Variants in LRRC4C observed in about 807,000 individuals in gnomAD.
LRRC4C encodes leucine-rich repeat-containing protein 4C.
In LRRC4C, 5 loss-of-function variants were observed where a neutral mutation model predicts 33.6. That is an observed-to-expected ratio of 0.15 (90% CI 0.08 to 0.31). The LOEUF (loss-of-function observed/expected upper bound fraction) is 0.31. Among genes scored for constraint, LRRC4C ranks in the 10% least tolerant of loss-of-function variants. The pLI, the probability that LRRC4C is intolerant of heterozygous loss-of-function variation, is 1.00. For synonymous variants in LRRC4C, 329 were observed against 302.0 expected (o/e 1.09, Z -0.93); for missense variants, 560 against 796.7 (o/e 0.70, Z 3.58).
At chr11:41,139,460 G>A (rs1380649624) in intron 1 of LRRC4C, among the ~76,000 whole-genome samples, 1 of 152,204 alleles carries the variant, frequency 6.6e-6, no homozygotes, top group East Asian at 1.9e-4. Flanking sequence ...GGAGATCTAT[G>A]TATGGCAATA....
At chr11:41,415,971 T>C (rs1954664086) in intron 1 of LRRC4C, among the ~76,000 whole-genome samples, 1 of 152,010 alleles carries the variant, frequency 6.6e-6, no homozygotes, top group African/African-American at 2.4e-5. Flanking sequence ...CTCTGCCAGG[T>C]TTCTCCTCTC....
chr11:40,388,678 T>A (rs561231336), intron 3 of LRRC4C, among the ~76,000 whole-genome samples: 15 of 152,262 alleles, frequency 9.9e-5, no homozygotes, highest in African/African-American at 3.6e-4. Context: ...AACACACTCA[T>A]GGTAATCTGC....
intron 3 of LRRC4C, among the ~76,000 whole-genome samples, chr11:40,320,201 C>A (rs543661407): frequency 6.6e-6 from 1 of 152,052 alleles, no homozygotes; most frequent in African/African-American, 2.4e-5. Context: ...ATAGCTGAAA[C>A]TGACATTAAA....
chr11:40,641,294 C>A, intron 3 of LRRC4C, among the ~76,000 whole-genome samples: 1 of 151,984 alleles, frequency 6.6e-6, no homozygotes. Context: ...ATGAAGTGTA[C>A]AAGAATAAAT....
At chr11:40,505,965 G>A (rs1955015900) in intron 3 of LRRC4C, among the ~76,000 whole-genome samples, 1 of 151,878 alleles carries the variant, frequency 6.6e-6, no homozygotes, top group Admixed American at 6.6e-5. Context: ...CATTTATTCT[G>A]TCTTGAAGTT....
chr11:40,860,974 T>C (rs1954068043), intron 2 of LRRC4C, among the ~76,000 whole-genome samples: 1 of 152,078 alleles, frequency 6.6e-6, no homozygotes, highest in Non-Finnish European at 1.5e-5. Flanking sequence ...TTTAAAATGG[T>C]AATTTCATGT....
chr11:41,282,771 G>A (rs976731650), intron 1 of LRRC4C, among the ~76,000 whole-genome samples: 7 of 152,244 alleles, frequency 4.6e-5, no homozygotes, highest in Non-Finnish European at 8.8e-5. Context: ...CTGCAGATGT[G>A]GGCATCTGAA....
At chr11:41,023,207 T>C (rs563747140) in intron 1 of LRRC4C, among the ~76,000 whole-genome samples, 53 of 151,946 alleles carry the variant, frequency 3.5e-4, no homozygotes, top group Middle Eastern at 6.8e-3. Flanking sequence ...AGATATAAGA[T>C]AAAATATATA....
chr11:40,118,175 T>C (rs1590413435), intron 6 of LRRC4C, among the ~76,000 whole-genome samples: 2 of 148,264 alleles, frequency 1.3e-5, no homozygotes, highest in Admixed American at 6.7e-5. Flanking sequence ...ATTAAAATAA[T>C]AATGTAATAT....
At chr11:41,021,181 G>C (rs1016148569) in intron 1 of LRRC4C, among the ~76,000 whole-genome samples, 5 of 137,234 alleles carry the variant, frequency 3.6e-5, no homozygotes, top group African/African-American at 1.4e-4. Flanking sequence ...GAGAGAGAGA[G>C]AGAGAGAGAG....
chr11:40,537,237 T>C (rs983194872), intron 3 of LRRC4C, among the ~76,000 whole-genome samples: 5 of 152,172 alleles, frequency 3.3e-5, no homozygotes, highest in Non-Finnish European at 7.4e-5. Flanking sequence ...TCTGTGATGA[T>C]TCCATCCAGG....
intron 3 of LRRC4C, among the ~76,000 whole-genome samples, chr11:40,483,773 GTATATATATGTA>G (rs1232621627): frequency 0.091 from 8 of 88 alleles, no homozygotes; most frequent in Middle Eastern, 0.5. Flanking sequence ...CAAGAAATGT[GTATATATATGTA>G]TATATATGTA....
At chr11:41,079,831 T>C (rs903179324) in intron 1 of LRRC4C, among the ~76,000 whole-genome samples, 1 of 152,156 alleles carries the variant, frequency 6.6e-6, no homozygotes, top group Non-Finnish European at 1.5e-5. Context: ...GTGCTTTGTG[T>C]GTGGCCCAAG....
chr11:41,002,562 A>G (rs1011833130), intron 1 of LRRC4C, among the ~76,000 whole-genome samples: 4 of 152,200 alleles, frequency 2.6e-5, no homozygotes, highest in African/African-American at 9.6e-5. Flanking sequence ...ATTACATGGT[A>G]GGTAGTGAGA....
chr11:40,134,568 T>A (rs888381992), intron 6 of LRRC4C, among the ~76,000 whole-genome samples: 4 of 152,176 alleles, frequency 2.6e-5, no homozygotes, highest in Admixed American at 1.3e-4. Flanking sequence ...GAAAAGCAAG[T>A]CTGCAGTGGT....
chr11:41,233,854 A>C (rs926411384), intron 1 of LRRC4C, among the ~76,000 whole-genome samples: 3 of 152,076 alleles, frequency 2.0e-5, no homozygotes, highest in African/African-American at 7.2e-5. Flanking sequence ...ACAATTTATT[A>C]ATTAGTTCAT....
At chr11:41,198,152 T>C (rs1399117807) in intron 1 of LRRC4C, among the ~76,000 whole-genome samples, 2 of 152,058 alleles carry the variant, frequency 1.3e-5, no homozygotes, top group African/African-American at 4.8e-5. Context: ...TTGCTATGGA[T>C]AAATCTATAG....
At chr11:40,782,179 A>G (rs1000551153) in intron 2 of LRRC4C, among the ~76,000 whole-genome samples, 1 of 151,882 alleles carries the variant, frequency 6.6e-6, no homozygotes, top group African/African-American at 2.4e-5. Flanking sequence ...AATGGCTTTC[A>G]TTTCCCTTAA....
At chr11:41,199,401 A>AT (rs1177737883) in intron 1 of LRRC4C, among the ~76,000 whole-genome samples, 1 of 152,010 alleles carries the variant, frequency 6.6e-6, no homozygotes, top group African/African-American at 2.4e-5. Context: ...GAAAGAAAAA[A>AT]CTAACAGTTT....
Sources: gnomAD v4.1 joint callset for allele counts (sites outside exome capture counted in the v4.1 genomes callset) on GRCh38, gnomAD v4.1.1 for gene constraint, MANE v1.5 for transcripts, NCBI Gene and HGNC (gene_info 2026-07-23, HGNC 2026-07-21) for gene names.